Variants in TBC1D14 observed in about 807,000 individuals in gnomAD.
The protein encoded by TBC1D14 is TBC1 domain family member 14.
TBC1D14 carries 26 observed loss-of-function variants against 79.0 expected under a neutral mutation model. That is an observed-to-expected ratio of 0.33 (90% CI 0.24 to 0.46). The LOEUF (loss-of-function observed/expected upper bound fraction) is 0.46, where lower values mean the gene tolerates loss of function less well. Among genes scored for constraint, TBC1D14 ranks in the 20% least tolerant of loss-of-function variants. The pLI is 1.00. For missense variants in TBC1D14, 769 were observed against 887.6 expected, an observed-to-expected ratio of 0.87 and a Z score of 1.70; for synonymous variants, 394 against 349.9, an observed-to-expected ratio of 1.13 and a Z score of -1.40.
chr4:6,953,347 C>T (rs369921641), intron 2 of TBC1D14, among the ~76,000 whole-genome samples: 2 of 129,562 alleles, frequency 1.5e-5, no homozygotes, highest in African/African-American at 5.5e-5. Flanking sequence ...GTTGGCCGGG[C>T]GCGGTGGCTC....
intron 2 of TBC1D14, among the ~76,000 whole-genome samples, chr4:6,937,652 C>G (rs1467052376): frequency 6.6e-6 from 1 of 152,194 alleles, no homozygotes; most frequent in African/African-American, 2.4e-5. Context: ...GCGTCTTTCT[C>G]CAGCCATGTT....
chr4:7,011,286 C>G (rs934682959), intron 11 of TBC1D14, among the ~76,000 whole-genome samples: 1 of 151,032 alleles, frequency 6.6e-6, no homozygotes, highest in Non-Finnish European at 1.5e-5. Context: ...GTGGACCGCT[C>G]TAGTCTTTAT....
chr4:6,951,008 G>C (rs1713986671), intron 2 of TBC1D14, among the ~76,000 whole-genome samples: 1 of 152,208 alleles, frequency 6.6e-6, no homozygotes, highest in Non-Finnish European at 1.5e-5. Context: ...TCGTAGAACT[G>C]AGTGGGCGCA....
At chr4:6,970,545 A>G (rs13143427) in intron 3 of TBC1D14, among the ~76,000 whole-genome samples, 147,743 of 152,392 alleles carry the variant, frequency 0.97, 71,795 homozygotes, top group Middle Eastern at 1. Context: ...TCTTCAGTGC[A>G]TTCTTCATCT....
intron 3 of TBC1D14, 117 bp from the exon 4 acceptor site, chr4:6,994,067 C>T (rs529745719): frequency 1.6e-5 from 14 of 866,954 alleles, no homozygotes; most frequent in Admixed American, 2.1e-5. Context: ...AGGTTTTTGG[C>T]GAATTGTCCT....
chr4:6,922,277 C>T (rs1028587412), intron 1 of TBC1D14, among the ~76,000 whole-genome samples: 6 of 152,138 alleles, frequency 3.9e-5, no homozygotes, highest in African/African-American at 1.2e-4. Flanking sequence ...GCCGCACTGA[C>T]GGTTTTGACT....
intron 2 of TBC1D14, among the ~76,000 whole-genome samples, chr4:6,949,630 C>T (rs996366781): frequency 6.7e-6 from 1 of 149,280 alleles, no homozygotes; most frequent in Non-Finnish European, 1.5e-5. Flanking sequence ...TTGCAGTGAG[C>T]TGAGATCGTG....
At chr4:6,996,795 C>T (rs999527777) in intron 5 of TBC1D14, among the ~76,000 whole-genome samples, 12 of 152,134 alleles carry the variant, frequency 7.9e-5, no homozygotes, top group Admixed American at 3.3e-4. Flanking sequence ...CTATCCATTC[C>T]GGGTAGCTTT....
In TBC1D14 at chr4:6,998,831, G is replaced by A. The variant is rs1482849127; in HGVS notation, c.1046-254G>A. 23 of 372,118 alleles carry A rather than the reference G, an allele frequency of 6.2e-5. No individual in the cohort carries two copies. In the Admixed American group the frequency reaches 8.4e-4, roughly 14 times the overall value. The allele number at this position is 372,118 out of a possible 1,614,324, so 23.1% of individuals were successfully genotyped here. On this transcript the variant is annotated intron_variant, in intron 5 of 13. Coordinates refer to ENST00000409757, the MANE Select transcript of TBC1D14 (RefSeq NM_020773.3). ...TGGGATTACAGGCGTGAGCCACCGC[G>A]CCTGGCCAACTGAATCGTATTCTTC...
At chr4:6,948,661 GTTTA>G (rs1481856903) in intron 2 of TBC1D14, among the ~76,000 whole-genome samples, 1 of 150,604 alleles carries the variant, frequency 6.6e-6, no homozygotes, top group Non-Finnish European at 1.5e-5. Context: ...GATATTGTCA[GTTTA>G]TTTTTCTTTT....
At chr4:6,925,859 T>G (rs561927102) in intron 2 of TBC1D14, among the ~76,000 whole-genome samples, 1 of 152,244 alleles carries the variant, frequency 6.6e-6, no homozygotes, top group East Asian at 1.9e-4. Flanking sequence ...TGGTACCCGT[T>G]CCACGCGGAC....
At chr4:6,978,429 C>CT in intron 3 of TBC1D14, among the ~76,000 whole-genome samples, 2 of 150,558 alleles carry the variant, frequency 1.3e-5, no homozygotes, top group South Asian at 2.1e-4. Context: ...TCCTGTTGAT[C>CT]TGTGACCTTA....
chr4:7,021,658 CTT>C lies in TBC1D14; in HGVS notation c.1758-3333_1758-3332del, dbSNP rs10707809. On this transcript the variant is annotated intron_variant, in intron 12 of 13. Transcript: ENST00000409757. ...TTAGTTGAAGTTGTACTTGAAATTA[CTT>C]TTTTTTTTTTTTACTTTTAAAAACA... Among the ~76,000 whole-genome samples the C allele has an allele frequency of 3.3e-3, 496 of 148,898 alleles. 1 individual carries two copies. The highest frequency in any genetic ancestry group is 3.2e-3 in the African/African-American group (129 of 40,746).
chr4:7,014,127 G>A (rs1196382110), intron 11 of TBC1D14, among the ~76,000 whole-genome samples: 1 of 152,152 alleles, frequency 6.6e-6, no homozygotes, highest in Non-Finnish European at 1.5e-5. Flanking sequence ...TTTGCAGCGG[G>A]ACAGGCACAA....
At chr4:6,994,425 T>C in intron 4 of TBC1D14, 123 bp downstream of exon 4, 3 of 812,148 alleles carry the variant, frequency 3.7e-6, no homozygotes, top group Non-Finnish European at 6.2e-6. Flanking sequence ...CAGAATCACT[T>C]CTTATTCTCT....
intron 1 of TBC1D14, among the ~76,000 whole-genome samples, chr4:6,919,652 C>G (rs187454001): frequency 1.3e-3 from 190 of 151,750 alleles, no homozygotes; most frequent in African/African-American, 4.4e-3. Flanking sequence ...ATGGAGTCTC[C>G]CTCTGTCACC....
intron 2 of TBC1D14, among the ~76,000 whole-genome samples, chr4:6,932,233 A>G (rs928645880): frequency 6.6e-6 from 1 of 151,898 alleles, no homozygotes; most frequent in Non-Finnish European, 1.5e-5. Flanking sequence ...GGTGGCATGC[A>G]CCTGTAATCC....
chr4:6,930,246 C>A (rs1711601798), intron 2 of TBC1D14, among the ~76,000 whole-genome samples: 1 of 152,186 alleles, frequency 6.6e-6, no homozygotes, highest in Non-Finnish European at 1.5e-5. Flanking sequence ...TGAGCCATCG[C>A]GGGCCAGCAG....
intron 2 of TBC1D14, among the ~76,000 whole-genome samples, chr4:6,948,464 C>T (rs772768420): frequency 5.9e-5 from 9 of 152,184 alleles, no homozygotes; most frequent in Non-Finnish European, 1.2e-4. Context: ...GGGTATCCCA[C>T]TCTTTGTTCT....
Sources: allele counts gnomAD v4.1 joint callset (sites outside exome capture counted in the v4.1 genomes callset), GRCh38; gene constraint gnomAD v4.1.1; transcripts MANE v1.5; gene names NCBI Gene and HGNC (gene_info 2026-07-23, HGNC 2026-07-21).